PAX2: variants seen among roughly 807,000 people sequenced by gnomAD.
PAX2 encodes paired box protein Pax-2.
PAX2 carries 9 observed loss-of-function variants against 41.7 expected under a neutral mutation model. That is an observed-to-expected ratio of 0.22 (90% CI 0.13 to 0.38). The LOEUF is 0.38. Ranked by LOEUF, PAX2 falls within the 10% of genes least tolerant of loss-of-function variation. The pLI, the probability that PAX2 is intolerant of heterozygous loss-of-function variation, is 1.00. For synonymous variants in PAX2, 221 were observed against 212.7 expected (o/e 1.04, Z -0.34); for missense variants, 418 against 531.6 (o/e 0.79, Z 2.10).
chr10:100,801,133 C>T (rs1847548637), intron 5 of PAX2, among the ~76,000 whole-genome samples: 1 of 152,182 alleles, frequency 6.6e-6, no homozygotes, highest in African/African-American at 2.4e-5. Flanking sequence ...TAGTCCACAG[C>T]TGTCAGGGCA....
Position 100,828,543 on chromosome 10 carries a change from C to T in PAX2, c.*924C>T, listed in dbSNP as rs1285052237. 1.7e-5 allele frequency: 4 copies of T among 233,312 alleles called. No homozygotes were observed. Among genetic ancestry groups the T allele is most frequent in the Non-Finnish European group, 2.5e-5 (3 of 118,174 alleles). The allele number at this position is 233,312 out of a possible 1,614,324, so 14.5% of individuals were successfully genotyped here. ...CATCCTCCTCCCTGACTCGCAGCCC[C>T]ATCGGACGCTCTCCCGGGACCGCCG... is the stretch of plus-strand genomic sequence containing the variant. On this transcript the variant is annotated 3_prime_UTR_variant, in exon 10 of 10. Transcript: ENST00000355243. The surrounding 1 kb of genome is among the most constrained non-coding windows in gnomAD (Gnocchi z 6.5).
intron 5 of PAX2, among the ~76,000 whole-genome samples, chr10:100,792,438 G>A (rs905745413): frequency 2.0e-5 from 3 of 152,190 alleles, no homozygotes; most frequent in East Asian, 1.9e-4. Context: ...TGGCTTCTGC[G>A]ACATACCTCA....
At chr10:100,738,065 C>G (rs939952059) in intron 1 of PAX2, among the ~76,000 whole-genome samples, 2 of 152,232 alleles carry the variant, frequency 1.3e-5, no homozygotes, top group Non-Finnish European at 2.9e-5. Context: ...CTGCACTGCT[C>G]TGTCCCAGCT....
At chr10:100,741,760 C>G (rs1406996741), upstream of PAX2, among the ~76,000 whole-genome samples, 2 of 152,244 alleles carry the variant, frequency 1.3e-5, no homozygotes, top group South Asian at 2.1e-4. Context: ...CCCTCTCTCC[C>G]CTCCCTTTCT....
At chr10:100,768,845 T>G (rs1430323816) in intron 3 of PAX2, among the ~76,000 whole-genome samples, 4 of 152,242 alleles carry the variant, frequency 2.6e-5, no homozygotes, top group Non-Finnish European at 5.9e-5. Flanking sequence ...CATGTGACTT[T>G]GGGCAAGTTG....
Position 100,827,024 on chromosome 10 carries a change from G to A in PAX2, c.1037G>A (p.Gly346Asp). The change falls in exon 9 of 10, where the codon GGC becomes GAC. Residue 346 changes from glycine to aspartate, a missense_variant. Gly to Asp is a moderately conservative substitution (Grantham distance 94, BLOSUM62 -1). This residue lies in a region of PAX2 where 310 missense variants were observed against 325.2 expected (regional missense o/e 0.95). Transcript: ENST00000355243. This position sits in a 1 kb window ranked among gnomAD's most constrained non-coding sequence, Gnocchi z 8.5. ...AGMVPGSEFS[G>D]NPYSHPQYTA... is the part of the protein sequence containing the mutation. The stretch of plus-strand genomic sequence containing the variant: ...CCTCCCGCAGGGAGCGAGTTCTCCG[G>A]CAACCCGTACAGCCACCCCCAGTAC... 6.2e-7 allele frequency: 1 copy of A among 1,613,474 alleles called. No homozygotes were observed. The highest frequency in any genetic ancestry group is 1.1e-5 in the South Asian group (1 of 91,084).
chr10:100,786,084 G>A (rs929580599), intron 5 of PAX2, among the ~76,000 whole-genome samples: 1 of 152,218 alleles, frequency 6.6e-6, no homozygotes, highest in South Asian at 2.1e-4. Flanking sequence ...GTTTCATGAG[G>A]AAATGAAGTT....
At chr10:100,774,927 G>A (rs984280158) in intron 3 of PAX2, among the ~76,000 whole-genome samples, 3 of 152,362 alleles carry the variant, frequency 2.0e-5, no homozygotes, top group East Asian at 3.9e-4. Context: ...GTCCCCATGC[G>A]GGGCCCAGGC....
chr10:100,757,850 G>A (rs76824760), intron 3 of PAX2, among the ~76,000 whole-genome samples: 346 of 152,334 alleles, frequency 2.3e-3, no homozygotes, highest in Non-Finnish European at 4.1e-3. Context: ...CAGGGGAGCT[G>A]TTGAGGGTAT....
chr10:100,738,530 T>C (rs1844847103), intron 1 of PAX2, among the ~76,000 whole-genome samples: 1 of 152,148 alleles, frequency 6.6e-6, no homozygotes. Context: ...TACGATCCCC[T>C]CATCCAGACG....
intron 3 of PAX2, among the ~76,000 whole-genome samples, chr10:100,772,541 T>C (rs1202934791): frequency 6.6e-6 from 1 of 152,248 alleles, no homozygotes; most frequent in African/African-American, 2.4e-5. Context: ...TGACCATTCG[T>C]CTGGCTTAGT....
intron 3 of PAX2, among the ~76,000 whole-genome samples, chr10:100,771,076 G>T (rs1291363083): frequency 6.6e-6 from 1 of 152,188 alleles, no homozygotes; most frequent in African/African-American, 2.4e-5. Context: ...CACCCCAGGG[G>T]ATTCTAATGC....
At position 100,750,409 on chromosome 10, in the gene PAX2, G is replaced by C. The variant is rs1033247226; in HGVS notation, c.213-285G>C. 2.6e-5 allele frequency among the ~76,000 whole-genome samples: 4 copies of C among 152,142 alleles called. No individual in the cohort carries two copies. Among genetic ancestry groups the C allele is most frequent in the African/African-American group, 9.7e-5 (4 of 41,432 alleles). On this transcript the variant is annotated intron_variant, in intron 2 of 9. Transcript: ENST00000355243. The surrounding 1 kb of genome is among the most constrained non-coding windows in gnomAD (Gnocchi z 4.1). ...GCGCTGTTCGTTTTGCTCTTCCCAA[G>C]TGAAAGGCTGGGCTTTCACTCCCAC...
intron 7 of PAX2, among the ~76,000 whole-genome samples, chr10:100,816,968 G>A (rs962206190): frequency 3.3e-5 from 5 of 152,192 alleles, no homozygotes; most frequent in Non-Finnish European, 7.3e-5. Context: ...AAGGATTAGA[G>A]CTGACAATTC....
intron 3 of PAX2, among the ~76,000 whole-genome samples, chr10:100,751,306 T>A (rs1213222776): frequency 6.6e-6 from 1 of 152,172 alleles, no homozygotes; most frequent in Non-Finnish European, 1.5e-5. Flanking sequence ...CCGCCGCTTG[T>A]CCTGGCTCCC....
At chr10:100,792,275 G>A (rs981234801) in intron 5 of PAX2, among the ~76,000 whole-genome samples, 34 of 152,248 alleles carry the variant, frequency 2.2e-4, no homozygotes, top group African/African-American at 7.7e-4. Flanking sequence ...ACATGGGTTC[G>A]TGCGTGTGTG....
At chr10:100,809,073 A>T (rs1324194182) in intron 6 of PAX2, 37 bp from the exon 7 acceptor site, 1 of 1,607,040 alleles carries the variant, frequency 6.2e-7, no homozygotes, top group Non-Finnish European at 8.5e-7. Context: ...CTGTGCGTGC[A>T]TCAATAGAGA....
chr10:100,788,562 G>A (rs939671859), intron 5 of PAX2, among the ~76,000 whole-genome samples: 15 of 152,224 alleles, frequency 9.9e-5, no homozygotes, highest in Admixed American at 9.8e-4. Flanking sequence ...AACTGAGTGA[G>A]GGCTGGGTAT....
Position 100,809,185 on chromosome 10 carries a change from C to G in PAX2, c.868C>G (p.Pro290Ala). The change falls in exon 7 of 10, where the codon CCT becomes GCT. Residue 290 changes from proline to alanine, a missense_variant. Pro to Ala is a conservative substitution (Grantham distance 27). Around this residue, in one of 2 missense-constraint regions of PAX2, gnomAD observed 310 missense variants for 325.2 expected, o/e 0.95. Coordinates refer to ENST00000355243, the MANE Select transcript of PAX2 (RefSeq NM_000278.5). ...VKSSLSASTN[P>A]ELGSNVSGTQ... ...GTCGAGTCTATCTGCATCCACCAAC[C>G]CTGAGCTGGGCAGCAACGTGTCAGG... 1.2e-6 allele frequency: 2 copies of G among 1,613,942 alleles called. No individual in the cohort carries two copies. The highest frequency in any genetic ancestry group is 1.7e-6 in the Non-Finnish European group (2 of 1,179,840).
Sources: allele counts gnomAD v4.1 joint callset (sites outside exome capture counted in the v4.1 genomes callset), GRCh38; gene constraint gnomAD v4.1.1; regional missense constraint gnomAD v4.1.1; non-coding constraint Gnocchi (gnomAD v3.1); transcripts MANE v1.5; gene names NCBI Gene and HGNC (gene_info 2026-07-23, HGNC 2026-07-21).